CDKAL1: variants seen among roughly 807,000 people sequenced by gnomAD.
CDKAL1 encodes the protein threonylcarbamoyladenosine tRNA methylthiotransferase.
In CDKAL1, 32 loss-of-function variants were observed where a neutral mutation model predicts 68.2. The ratio of observed to expected loss-of-function variants is 0.47; its 90% CI spans 0.35 to 0.63. CDKAL1 has a LOEUF of 0.63. Ranked by LOEUF, CDKAL1 falls within the 30% of genes least tolerant of loss-of-function variation. The pLI, the probability that CDKAL1 is intolerant of heterozygous loss-of-function variation, is 0.00. For synonymous variants in CDKAL1, 234 were observed against 244.3 expected (o/e 0.96, Z 0.39); for missense variants, 606 against 696.7 (o/e 0.87, Z 1.47).
At chr6:20,784,535 C>T (rs1429428161) in intron 8 of CDKAL1, among the ~76,000 whole-genome samples, 1 of 138,446 alleles carries the variant, frequency 7.2e-6, no homozygotes, top group Non-Finnish European at 1.5e-5. Flanking sequence ...AGTGATTCTT[C>T]TGCCTCAGCC....
intron 4 of CDKAL1, among the ~76,000 whole-genome samples, chr6:20,633,022 G>C (rs1246815144): frequency 6.6e-6 from 1 of 152,182 alleles, no homozygotes; most frequent in African/African-American, 2.4e-5. Context: ...TGTGGCTCCA[G>C]CTTACCTCTA....
chr6:20,901,793 C>A (rs1761991991), intron 9 of CDKAL1, among the ~76,000 whole-genome samples: 1 of 143,650 alleles, frequency 7.0e-6, no homozygotes, highest in South Asian at 2.3e-4. Flanking sequence ...TTGTTTTTTT[C>A]TGAGACAGAG....
chr6:20,931,929 A>G (rs543508025), intron 9 of CDKAL1, among the ~76,000 whole-genome samples: 1 of 152,318 alleles, frequency 6.6e-6, no homozygotes, highest in East Asian at 1.9e-4. Context: ...ATCTTCATAT[A>G]TTTAATACAC....
chr6:20,880,402 C>T (rs1479425873), intron 9 of CDKAL1, among the ~76,000 whole-genome samples: 2 of 152,022 alleles, frequency 1.3e-5, no homozygotes, highest in African/African-American at 4.8e-5. Flanking sequence ...ACTACAGGCA[C>T]GCACCACCAT....
At chr6:20,802,324 T>C (rs996694732) in intron 8 of CDKAL1, among the ~76,000 whole-genome samples, 1 of 148,930 alleles carries the variant, frequency 6.7e-6, no homozygotes, top group African/African-American at 2.5e-5. Flanking sequence ...ACAATAATAA[T>C]AATAATAATA....
At chr6:20,718,815 C>CT (rs1241154632) in intron 5 of CDKAL1, among the ~76,000 whole-genome samples, 1 of 151,900 alleles carries the variant, frequency 6.6e-6, no homozygotes, top group Non-Finnish European at 1.5e-5. Context: ...AATATTTTTA[C>CT]TTTTTTTATA....
intron 5 of CDKAL1, among the ~76,000 whole-genome samples, chr6:20,675,682 C>T (rs971015544): frequency 2.0e-5 from 3 of 151,988 alleles, no homozygotes; most frequent in Non-Finnish European, 4.4e-5. Context: ...CACGTACAAT[C>T]GTGTACATAC....
intron 15 of CDKAL1, among the ~76,000 whole-genome samples, chr6:21,215,146 TTCA>T (rs1779297527): frequency 6.6e-6 from 1 of 152,036 alleles, no homozygotes; most frequent in Non-Finnish European, 1.5e-5. Context: ...TGTATGGAGG[TTCA>T]GCAGGCATTT....
intron 4 of CDKAL1, among the ~76,000 whole-genome samples, chr6:20,649,084 G>T (rs1373457374): frequency 6.6e-6 from 1 of 152,176 alleles, no homozygotes; most frequent in East Asian, 1.9e-4. Flanking sequence ...TACATTTTAA[G>T]TGAAAAGATA....
chr6:20,880,545 G>A (rs1048801694), intron 9 of CDKAL1, among the ~76,000 whole-genome samples: 4 of 152,042 alleles, frequency 2.6e-5, no homozygotes, highest in Admixed American at 2.0e-4. Context: ...GTGAGCCACC[G>A]CGCCTGGCCA....
In CDKAL1 at chr6:20,955,567, T is replaced by C. The variant is rs778508833; in HGVS notation, c.891T>C (p.Tyr297=). 2.8e-5 allele frequency: 45 copies of C among 1,613,990 alleles called. No individual in the cohort carries two copies. The highest frequency in any genetic ancestry group is 3.8e-5 in the Non-Finnish European group (45 of 1,179,992). ...MLRLGMTNPP[Y]ILEHLEEMAK... is the part of the protein sequence containing the mutation. Reference sequence around the variant, plus strand: ...GGCTTGGCATGACAAATCCGCCCTATATTTTAGAGCATCTGGAGGTAAGGA... The same window carrying C: ...GGCTTGGCATGACAAATCCGCCCTACATTTTAGAGCATCTGGAGGTAAGGA... Residue 297 remains tyrosine (Y), a synonymous_variant, in exon 10 of 16, where the codon TAT becomes TAC. Coordinates refer to ENST00000274695, the MANE Select transcript of CDKAL1 (RefSeq NM_017774.3).
intron 9 of CDKAL1, among the ~76,000 whole-genome samples, chr6:20,929,056 C>T (rs1005492406): frequency 6.6e-6 from 1 of 152,158 alleles, no homozygotes; most frequent in African/African-American, 2.4e-5. Context: ...TTACCCGCCT[C>T]CCTGCAGTTT....
At chr6:21,123,036 G>T (rs1209134017) in intron 13 of CDKAL1, among the ~76,000 whole-genome samples, 5 of 152,088 alleles carry the variant, frequency 3.3e-5, no homozygotes, top group Non-Finnish European at 7.4e-5. Context: ...ATGTATAGAT[G>T]TACATGCTGT....
chr6:20,809,245 A>G (rs1311421844), intron 8 of CDKAL1, among the ~76,000 whole-genome samples: 1 of 152,220 alleles, frequency 6.6e-6, no homozygotes, highest in Non-Finnish European at 1.5e-5. Flanking sequence ...TCACAGGGCC[A>G]TTCCTTCCTT....
chr6:20,854,821 A>G lies in CDKAL1; in HGVS notation c.742+8643A>G, dbSNP rs1271417272. The stretch of plus-strand genomic sequence containing the variant: ...GTGCTCTATAAAACAGTTTACAAAC[A>G]TGCAGTTAAGTATAAAAGTTATTTA... On this transcript the variant is annotated intron_variant, in intron 9 of 15. Coordinates refer to ENST00000274695, the MANE Select transcript of CDKAL1 (RefSeq NM_017774.3). Among the ~76,000 whole-genome samples the G allele has an allele frequency of 2.0e-5, 3 of 152,348 alleles. No homozygotes were observed. The South Asian group carries it at 6.2e-4, about 32-fold the overall frequency.
chr6:20,585,886 T>C (rs569121749), intron 4 of CDKAL1, among the ~76,000 whole-genome samples: 60 of 152,254 alleles, frequency 3.9e-4, no homozygotes, highest in Middle Eastern at 3.4e-3. Flanking sequence ...CCCTGGGCTC[T>C]CTGCTTACAT....
chr6:20,579,271 G>A (rs1228541359), intron 4 of CDKAL1, among the ~76,000 whole-genome samples: 2 of 152,032 alleles, frequency 1.3e-5, no homozygotes, highest in East Asian at 3.9e-4. Context: ...GAGCCACTGA[G>A]CCCGGCAAAG....
chr6:20,887,319 T>C (rs1761116331), intron 9 of CDKAL1, among the ~76,000 whole-genome samples: 1 of 152,186 alleles, frequency 6.6e-6, no homozygotes, highest in South Asian at 2.1e-4. Flanking sequence ...ATTCTACTCA[T>C]TTACTAAGAG....
At chr6:20,774,545 A>G (rs1391774497) in intron 7 of CDKAL1, among the ~76,000 whole-genome samples, 4 of 152,202 alleles carry the variant, frequency 2.6e-5, no homozygotes, top group Admixed American at 1.3e-4. Context: ...ACACCATCCA[A>G]TGCAAGTAGC....
Sources: allele counts gnomAD v4.1 joint callset (sites outside exome capture counted in the v4.1 genomes callset), GRCh38; gene constraint gnomAD v4.1.1; transcripts MANE v1.5; gene names NCBI Gene and HGNC (gene_info 2026-07-23, HGNC 2026-07-21).